The following DDX1 variants were observed in gnomAD, a reference collection of about 807,000 sequenced individuals.
The protein encoded by DDX1 is ATP-dependent RNA helicase DDX1.
DDX1 carries 28 observed loss-of-function variants against 108.7 expected under a neutral mutation model. The ratio of observed to expected loss-of-function variants is 0.26; its 90% CI spans 0.19 to 0.35. The LOEUF (loss-of-function observed/expected upper bound fraction) is 0.35. DDX1 is among the 10% of genes least tolerant of loss of function. The pLI is 1.00. For synonymous variants in DDX1, 295 were observed against 288.9 expected (o/e 1.02, Z -0.21); for missense variants, 710 against 884.5 (o/e 0.80, Z 2.50).
intron 13 of DDX1, among the ~76,000 whole-genome samples, chr2:15,610,008 C>T (rs1013873367): frequency 1.3e-5 from 2 of 152,158 alleles, no homozygotes; most frequent in South Asian, 4.1e-4. Context: ...CCTCATAGCT[C>T]ACTGCAGTCT....
At chr2:15,610,573 A>G (rs1490976042) in intron 13 of DDX1, among the ~76,000 whole-genome samples, 3 of 152,000 alleles carry the variant, frequency 2.0e-5, no homozygotes, top group Non-Finnish European at 4.4e-5. Context: ...GTCTTCTTTC[A>G]CTCCTTTCCC....
chr2:15,593,486 C>G (rs1032881771), intron 1 of DDX1, among the ~76,000 whole-genome samples: 1 of 152,160 alleles, frequency 6.6e-6, no homozygotes, highest in Non-Finnish European at 1.5e-5. Context: ...AAGTATTATA[C>G]TTAAGGTCCG....
chr2:15,612,691 C>A (rs911784561), intron 13 of DDX1, among the ~76,000 whole-genome samples: 12 of 152,092 alleles, frequency 7.9e-5, no homozygotes, highest in Non-Finnish European at 1.2e-4. Flanking sequence ...GCCGAGATCA[C>A]GCCACTGCAC....
chr2:15,622,328 A>T (rs1487672548), intron 18 of DDX1, among the ~76,000 whole-genome samples: 1 of 152,238 alleles, frequency 6.6e-6, no homozygotes, highest in African/African-American at 2.4e-5. Context: ...ATCAATTTTT[A>T]AAAAGCCTAA....
At chr2:15,607,113 T>G (rs535216762) in intron 12 of DDX1, 62 bp from the exon 13 acceptor site, 119 of 1,439,370 alleles carry the variant, frequency 8.3e-5, no homozygotes, top group Non-Finnish European at 1.1e-4. Context: ...TCCTAATGTT[T>G]TATAAGTAAC....
At chr2:15,619,097 C>T (rs1665948319) in intron 16 of DDX1, among the ~76,000 whole-genome samples, 1 of 152,196 alleles carries the variant, frequency 6.6e-6, no homozygotes, top group Non-Finnish European at 1.5e-5. Context: ...GAGCTCCTGC[C>T]TGCCCTGGCT....
chr2:15,606,608 A>T (rs535840551), intron 12 of DDX1, among the ~76,000 whole-genome samples: 1 of 152,288 alleles, frequency 6.6e-6, no homozygotes, highest in Admixed American at 6.5e-5. Flanking sequence ...TTTACAGACA[A>T]CCTAACGAAT....
At position 15,630,841 on chromosome 2, in the gene DDX1, A is replaced by G; in HGVS notation, c.2158A>G (p.Lys720Glu). ...PTVQELAALEKEAQTSFLHLG... is the reference protein window; with the variant it reads ...PTVQELAALEEEAQTSFLHLG... Reference sequence around the variant, plus strand: ...TGTTCAAGAGTTGGCTGCCCTTGAAAAGGAGGCGCAGACATCTTTCCTGCA... The same window carrying G: ...TGTTCAAGAGTTGGCTGCCCTTGAAGAGGAGGCGCAGACATCTTTCCTGCA... Residue 720 changes from lysine to glutamate, a missense_variant, in exon 26 of 26, where the codon AAG becomes GAG. By Grantham distance (56) the Lys-to-Glu change is moderately conservative. Transcript: ENST00000233084. 4 of 1,614,068 alleles carry G rather than the reference A, an allele frequency of 2.5e-6. No homozygotes were observed. The highest frequency in any genetic ancestry group is 1.1e-5 in the South Asian group (1 of 91,068).
At chr2:15,597,076 C>G (rs1445614624) in intron 4 of DDX1, among the ~76,000 whole-genome samples, 1 of 152,128 alleles carries the variant, frequency 6.6e-6, no homozygotes, top group Non-Finnish European at 1.5e-5. Flanking sequence ...CTCCTACTGG[C>G]CTGGACTAGA....
chr2:15,597,572 C>A, intron 5 of DDX1, 101 bp downstream of exon 5: 1 of 785,856 alleles, frequency 1.3e-6, no homozygotes, highest in Admixed American at 2.7e-5. Context: ...AAAATCTTGT[C>A]AGTATCTGGG....
chr2:15,593,001 G>C (rs1194436539), intron 1 of DDX1, among the ~76,000 whole-genome samples: 1 of 151,756 alleles, frequency 6.6e-6, no homozygotes, highest in Non-Finnish European at 1.5e-5. Context: ...GCTCACTGCA[G>C]CCTCCACCTC....
Position 15,630,073 on chromosome 2 carries a change from T to C in DDX1, c.2055T>C (p.Asp685=), listed in dbSNP as rs1322701211. 1 of 1,613,736 alleles carries C rather than the reference T, an allele frequency of 6.2e-7. No homozygotes were observed. The highest frequency in any genetic ancestry group is 2.2e-5 in the East Asian group (1 of 44,862). The change falls in exon 25 of 26, where the codon GAT becomes GAC. Residue 685 remains aspartate, a synonymous_variant. Transcript: ENST00000233084. ...PDIKVPVDEF[D]GKVTYGQKRA... is the part of the protein sequence containing the mutation. ...TAAAGGTACCAGTGGATGAATTTGA[T>C]GGGAAAGTTACCTACGGTCAGAAAA...
intron 15 of DDX1, among the ~76,000 whole-genome samples, chr2:15,617,957 C>T (rs1183983991): frequency 6.6e-6 from 1 of 152,056 alleles, no homozygotes; most frequent in Non-Finnish European, 1.5e-5. Flanking sequence ...TTTTGGATTG[C>T]TTATTGTCAC....
chr2:15,604,314 G>T (rs1558452815), intron 9 of DDX1, 123 bp from the exon 10 acceptor site: 1 of 666,352 alleles, frequency 1.5e-6, no homozygotes, highest in Non-Finnish European at 2.6e-6. Flanking sequence ...TATGTCATAT[G>T]CTCTAATAGG....
At position 15,621,817 on chromosome 2, in the gene DDX1, C is replaced by T. The variant is rs375188250; in HGVS notation, c.1447+701C>T. Reference sequence around the variant, plus strand: ...ACAGGCACGTGCCACTACCACCTGGCTAATTTTTGTGTTTTCAGTAGAGAT... The same window carrying T: ...ACAGGCACGTGCCACTACCACCTGGTTAATTTTTGTGTTTTCAGTAGAGAT... On this transcript the variant is annotated intron_variant, in intron 18 of 25. Transcript: ENST00000233084. 3.3e-5 allele frequency among the ~76,000 whole-genome samples: 5 copies of T among 150,634 alleles called. No homozygotes were observed. The East Asian group carries it at 7.9e-4, about 24-fold the overall frequency.
At position 15,614,185 on chromosome 2, in the gene DDX1, C is replaced by CGT. The variant is rs1487387565; in HGVS notation, c.1017+907_1017+908dup. 2.0e-5 allele frequency among the ~76,000 whole-genome samples: 3 copies of CGT among 152,244 alleles called. No homozygotes were observed. In the East Asian group the frequency reaches 5.8e-4, roughly 29 times the overall value. On this transcript the variant is annotated intron_variant, in intron 14 of 25. Coordinates refer to ENST00000233084, the MANE Select transcript of DDX1 (RefSeq NM_004939.3). ...AGGTAGGACTTCATGAAATATTTTTCGTGTGTGAAATAACTTACAGCTTAT... is the reference window on the plus strand; with the variant it reads ...AGGTAGGACTTCATGAAATATTTTTCGTGTGTGTGAAATAACTTACAGCTTAT...
In DDX1 at chr2:15,607,383, T is replaced by A. The variant is rs1369583391; in HGVS notation, c.956+70T>A. ...GAAGTTTTTTGGAAGAAGAATAAGG[T>A]AGAGAAAAATGAAGTAGAAATTCAG... On this transcript the variant is annotated intron_variant, in intron 13 of 25. Coordinates refer to ENST00000233084, the MANE Select transcript of DDX1 (RefSeq NM_004939.3). The A allele has an allele frequency of 2.1e-6, 3 of 1,416,946 alleles. No homozygotes were observed. The African/African-American group carries it at 4.3e-5, about 20-fold the overall frequency. 87.8% of individuals were successfully genotyped at this position (1,416,946 alleles called of 1,614,324 possible).
At chr2:15,606,845 G>GA (rs951722981) in intron 12 of DDX1, among the ~76,000 whole-genome samples, 3 of 152,106 alleles carry the variant, frequency 2.0e-5, no homozygotes, top group Non-Finnish European at 4.4e-5. Context: ...TAAGAGAGGG[G>GA]ATCTCACTGT....
At position 15,591,912 on chromosome 2, in the gene DDX1, A is replaced by G; in HGVS notation, c.-22A>G. ...CGGGAGGGAGGGAGCGAGCAGGCGAAGCCGCGGAGGACGGGGTGAAGATGG... is the reference window on the plus strand; with the variant it reads ...CGGGAGGGAGGGAGCGAGCAGGCGAGGCCGCGGAGGACGGGGTGAAGATGG... On this transcript the variant is annotated 5_prime_UTR_variant, in exon 1 of 26. Transcript: ENST00000233084. The G allele has an allele frequency of 6.8e-7, 1 of 1,462,414 alleles. No individual in the cohort carries two copies. The allele number at this position is 1,462,414 out of a possible 1,614,324, so 90.6% of individuals were successfully genotyped here. A position where few individuals can be genotyped will look rare whatever the true frequency, so the allele number is the denominator to read the frequency against.
Sources: gnomAD v4.1 joint callset for allele counts (sites outside exome capture counted in the v4.1 genomes callset) on GRCh38, gnomAD v4.1.1 for gene constraint, MANE v1.5 for transcripts, NCBI Gene and HGNC (gene_info 2026-07-23, HGNC 2026-07-21) for gene names.